The following PANK1 variants were observed in gnomAD, a reference collection of about 807,000 sequenced individuals.
PANK1 encodes the protein pantothenate kinase 1.
Under a neutral mutation model 40.1 loss-of-function variants are expected in PANK1, and 18 were observed. The observed-to-expected ratio is 0.45, with a 90% CI of 0.31 to 0.67. The LOEUF is 0.67. Ranked by LOEUF, PANK1 falls within the 30% of genes least tolerant of loss-of-function variation. PANK1 has a pLI of 0.06. For missense variants in PANK1, 457 were observed against 599.6 expected, an observed-to-expected ratio of 0.76 and a Z score of 2.48; for synonymous variants, 242 against 237.7, an observed-to-expected ratio of 1.02 and a Z score of -0.17.
intron 2 of PANK1, among the ~76,000 whole-genome samples, chr10:89,602,402 A>T (rs1050854394): frequency 6.6e-6 from 1 of 152,222 alleles, no homozygotes; most frequent in Non-Finnish European, 1.5e-5. Context: ...GGAAACAAAA[A>T]TATGTGTCAC....
downstream of PANK1, chr10:89,582,663 A>T (rs149126813): frequency 8.9e-4 from 136 of 152,284 alleles, no homozygotes; most frequent in African/African-American, 3.1e-3. Flanking sequence ...AGCTGTCTGA[A>T]TTTTTTTAAA....
chr10:89,636,744 C>T (rs1841829794), intron 1 of PANK1, among the ~76,000 whole-genome samples: 1 of 151,614 alleles, frequency 6.6e-6, no homozygotes, highest in Admixed American at 6.6e-5. Flanking sequence ...AGCCACCGCA[C>T]CCAGCCTGCC....
intron 1 of PANK1, among the ~76,000 whole-genome samples, chr10:89,635,482 C>T (rs969173983): frequency 6.6e-6 from 1 of 152,166 alleles, no homozygotes; most frequent in East Asian, 1.9e-4. Context: ...CTAAATGCCT[C>T]CCATTAGGCC....
At chr10:89,597,930 T>C (rs1311049771) in intron 3 of PANK1, among the ~76,000 whole-genome samples, 6 of 152,316 alleles carry the variant, frequency 3.9e-5, no homozygotes, top group African/African-American at 1.4e-4. Flanking sequence ...AGAAAATGTA[T>C]ACTTGGTAGC....
chr10:89,640,100 T>C (rs1841928419), intron 1 of PANK1, among the ~76,000 whole-genome samples: 1 of 152,222 alleles, frequency 6.6e-6, no homozygotes, highest in African/African-American at 2.4e-5. Context: ...CAGGTTGCTT[T>C]ACTTCTTTGA....
At chr10:89,628,311 T>C (rs1411367199) in intron 1 of PANK1, among the ~76,000 whole-genome samples, 1 of 152,130 alleles carries the variant, frequency 6.6e-6, no homozygotes, top group African/African-American at 2.4e-5. Flanking sequence ...GGATAAATAA[T>C]GTGATAAATC....
chr10:89,639,109 A>G (rs1327287751), intron 1 of PANK1: 1 of 382,406 alleles, frequency 2.6e-6, no homozygotes, highest in Admixed American at 2.6e-5. Context: ...AATACCTGTG[A>G]CTGGGTAATT....
chr10:89,641,732 A>AAAATAAATAAAT lies in PANK1; in HGVS notation c.292+2856_292+2867dup, dbSNP rs199852567. ...CGGCGACAGAGCGAGAATCCGTCTCAAAATAAATAAATAAATAAATAAATA... is the reference window on the plus strand; with the variant it reads ...CGGCGACAGAGCGAGAATCCGTCTCAAAATAAATAAATAAATAAATAAATAAATAAATAAATA... On this transcript the variant is annotated intron_variant, in intron 1 of 6. Coordinates refer to ENST00000307534, the MANE Select transcript of PANK1 (RefSeq NM_148977.3). 2.0e-3 allele frequency among the ~76,000 whole-genome samples: 286 copies of AAAATAAATAAAT among 143,456 alleles called. 2 individuals are homozygous for AAAATAAATAAAT. The highest frequency in any genetic ancestry group is 7.2e-3 in the African/African-American group (272 of 37,768). 94.1% of individuals were successfully genotyped at this position (143,456 alleles called of 152,430 possible).
At chr10:89,595,685 T>C (rs910837452) in intron 3 of PANK1, among the ~76,000 whole-genome samples, 7 of 148,400 alleles carry the variant, frequency 4.7e-5, no homozygotes, top group African/African-American at 7.6e-5. Flanking sequence ...CCAGCCTTGG[T>C]GGCACGCGCC....
intron 1 of PANK1, among the ~76,000 whole-genome samples, chr10:89,624,502 G>A (rs1845600686): frequency 1.3e-5 from 2 of 152,130 alleles, no homozygotes. Context: ...CCCATCTTCA[G>A]GTTAAAACTG....
intron 1 of PANK1, among the ~76,000 whole-genome samples, chr10:89,620,640 T>A (rs1845453258): frequency 6.6e-6 from 1 of 152,232 alleles, no homozygotes; most frequent in Non-Finnish European, 1.5e-5. Context: ...GGCCTTGTGA[T>A]CTTGCTTTGC....
rs1842026084 is a variant in PANK1, at chr10:89,643,592, C to T, written c.292+1008G>A. 3.3e-5 allele frequency: 28 copies of T among 839,840 alleles called. No individual in the cohort carries two copies. The South Asian group carries it at 3.8e-4, about 11-fold the overall frequency. 52.0% of individuals were successfully genotyped at this position (839,840 alleles called of 1,614,324 possible). ...AAAAGTGAAGGTGTTATTTGCCAAA[C>T]ATTAAACTTTCACAGAAATCCAAAA... On this transcript the variant is annotated intron_variant, in intron 1 of 6. Transcript: ENST00000307534.
At chr10:89,616,053 CCCTT>C (rs951266001) in intron 1 of PANK1, among the ~76,000 whole-genome samples, 4 of 152,176 alleles carry the variant, frequency 2.6e-5, no homozygotes, top group African/African-American at 9.7e-5. Flanking sequence ...CTGTATTCAC[CCCTT>C]ACTCCTCCTT....
At chr10:89,615,366 G>T (rs1384340294) in intron 1 of PANK1, among the ~76,000 whole-genome samples, 1 of 152,114 alleles carries the variant, frequency 6.6e-6, no homozygotes, top group African/African-American at 2.4e-5. Context: ...ACTGAAAAGA[G>T]GTCTCACTTT....
At chr10:89,595,592 G>A (rs1844537238) in intron 3 of PANK1, among the ~76,000 whole-genome samples, 1 of 151,248 alleles carries the variant, frequency 6.6e-6, no homozygotes, top group African/African-American at 2.4e-5. Context: ...GGCCAAGGTG[G>A]GTGGATCACC....
In PANK1 at chr10:89,628,526, TG is replaced by T. The variant is rs369336304; in HGVS notation, c.292+16073del. Among the ~76,000 whole-genome samples the T allele has an allele frequency of 7.4e-3, 1,123 of 152,142 alleles. 10 individuals are homozygous for T. The highest frequency in any genetic ancestry group is 0.026 in the African/African-American group (1,082 of 41,516). On this transcript the variant is annotated intron_variant, in intron 1 of 6. Transcript: ENST00000307534. ...ATTAGTTGCCTAGGGTTGGGGATTG[TG>T]GGGGAAAAAGAGGAGTGACTGCTAA...
chr10:89,627,256 G>A (rs566769175), intron 1 of PANK1, among the ~76,000 whole-genome samples: 9 of 150,884 alleles, frequency 6.0e-5, no homozygotes, highest in African/African-American at 2.2e-4. Flanking sequence ...ATTCCACGAA[G>A]TTCCAAAAAG....
chr10:89,611,774 C>G lies in PANK1; in HGVS notation c.567G>C (p.Glu189Asp), dbSNP rs199879962. ...AMHRFIQMGS[E>D]KNFSSLHTTL... ...TGGTGTGAAGGCTAGAGAAGTTCTT[C>G]TCGCTGCCCATCTGAATGAACCTGT... Residue 189 changes from glutamate to aspartate, a missense_variant, in exon 2 of 7, where the codon GAG becomes GAC. Transcript: ENST00000307534. The G allele has an allele frequency of 1.2e-6, 2 of 1,614,108 alleles. No individual in the cohort carries two copies. Among genetic ancestry groups the G allele is most frequent in the African/African-American group, 2.7e-5 (2 of 74,948 alleles).
Position 89,644,799 on chromosome 10 carries a change from C to G in PANK1, c.93G>C (p.Leu31=). 5 of 1,475,644 alleles carry G rather than the reference C, an allele frequency of 3.4e-6. No homozygotes were observed. Among genetic ancestry groups the G allele is most frequent in the Non-Finnish European group, 4.5e-6 (5 of 1,121,564 alleles). 91.4% of individuals were successfully genotyped at this position (1,475,644 alleles called of 1,614,324 possible). Residue 31 remains leucine (L), a synonymous_variant, in exon 1 of 7, where the codon CTG becomes CTC. Transcript: ENST00000307534. ...CTGGCGGCGGATGGAAGCCGTTGTGCAGCAGCCCGTTCACAGCGGCGGCGC... is the reference window on the plus strand; with the variant it reads ...CTGGCGGCGGATGGAAGCCGTTGTGGAGCAGCCCGTTCACAGCGGCGGCGC... ...GTSAAAVNGL[L]HNGFHPPPVQ...
Sources: gnomAD v4.1 joint callset for allele counts (sites outside exome capture counted in the v4.1 genomes callset) on GRCh38, gnomAD v4.1.1 for gene constraint, MANE v1.5 for transcripts, NCBI Gene and HGNC (gene_info 2026-07-23, HGNC 2026-07-21) for gene names.